Variants in JMJD1C observed in about 807,000 individuals in gnomAD.
The protein encoded by JMJD1C is jumonji domain containing 1C, also known as jumonji domain-containing protein 1C.
A neutral mutation model predicts 245.3 loss-of-function variants in JMJD1C; 31 were observed. The ratio of observed to expected loss-of-function variants is 0.13; its 90% CI spans 0.09 to 0.17. JMJD1C has a LOEUF of 0.17. JMJD1C is among the 10% of genes least tolerant of loss of function. The probability of loss-of-function intolerance (pLI) is 1.00; values close to 1 mark genes in which losing one functional copy is unlikely to be tolerated. For missense variants in JMJD1C, 2,691 were observed against 3,000.2 expected, an observed-to-expected ratio of 0.90 and a Z score of 2.41; for synonymous variants, 1,057 against 1,017.4, an observed-to-expected ratio of 1.04 and a Z score of -0.74.
At chr10:63,359,243 T>A (rs1945122239) in intron 2 of JMJD1C, 1 of 152,274 alleles carries the variant, frequency 6.6e-6, no homozygotes, top group South Asian at 2.1e-4. Flanking sequence ...TGGGCCATAT[T>A]CATGGCTACC....
chr10:63,314,636 T>C (rs952280989), intron 2 of JMJD1C, among the ~76,000 whole-genome samples: 1 of 152,156 alleles, frequency 6.6e-6, no homozygotes, highest in African/African-American at 2.4e-5. Context: ...TTTGTTTTTT[T>C]TTTTTTCAAC....
At chr10:63,417,293 AT>A (rs1949864857) in intron 1 of JMJD1C, among the ~76,000 whole-genome samples, 1 of 152,190 alleles carries the variant, frequency 6.6e-6, no homozygotes, top group South Asian at 2.1e-4. Flanking sequence ...GTACTACTAT[AT>A]TGGGTTTTTA....
At chr10:63,514,463 C>A (rs1393199892) in intron 1 of JMJD1C, among the ~76,000 whole-genome samples, 2 of 152,188 alleles carry the variant, frequency 1.3e-5, no homozygotes, top group African/African-American at 4.8e-5. Flanking sequence ...AGAATGAAAT[C>A]ATGTCCTTTT....
chr10:63,399,350 C>T (rs1269903903), intron 1 of JMJD1C, among the ~76,000 whole-genome samples: 2 of 152,110 alleles, frequency 1.3e-5, no homozygotes, highest in Non-Finnish European at 2.9e-5. Context: ...ATCCAAGGAA[C>T]CCTGGTACTT....
At position 63,191,087 on chromosome 10, in the gene JMJD1C, T is replaced by A. The variant is rs771746068; in HGVS notation, c.6098A>T (p.Glu2033Val). ...EKKENKELTL[E>V]NQIKEEREQD... is the part of the protein sequence containing the mutation. ...TTCTCTTTCTTCTTTAATTTGGTTTTCAAGGGTAAGTTCTTTGTTTTCTGA... is the reference window on the plus strand; with the variant it reads ...TTCTCTTTCTTCTTTAATTTGGTTTACAAGGGTAAGTTCTTTGTTTTCTGA... Residue 2033 changes from glutamate to valine, a missense_variant, in exon 17 of 26, where the codon GAA becomes GTA. Glu to Val is a moderately radical substitution (Grantham distance 121). Coordinates refer to ENST00000399262, the MANE Select transcript of JMJD1C (RefSeq NM_032776.3). The A allele has an allele frequency of 6.2e-7, 1 of 1,613,450 alleles. No individual in the cohort carries two copies. The highest frequency in any genetic ancestry group is 1.1e-5 in the South Asian group (1 of 91,068).
At chr10:63,290,522 C>T (rs185965002) in intron 2 of JMJD1C, among the ~76,000 whole-genome samples, 2 of 152,214 alleles carry the variant, frequency 1.3e-5, no homozygotes, top group Non-Finnish European at 2.9e-5. Flanking sequence ...GATCGCACCA[C>T]TGCACTCCAG....
intron 10 of JMJD1C, chr10:63,203,767 C>T (rs1422081142): frequency 1.0e-6 from 1 of 956,272 alleles, no homozygotes; most frequent in African/African-American, 1.8e-5. Context: ...AAGAAACACA[C>T]TATTATGTGT....
At chr10:63,264,252 T>C (rs1235511396) in intron 3 of JMJD1C, among the ~76,000 whole-genome samples, 1 of 152,116 alleles carries the variant, frequency 6.6e-6, no homozygotes, top group Non-Finnish European at 1.5e-5. Flanking sequence ...AAAAGAACTA[T>C]TATGCTAAAC....
intron 2 of JMJD1C, among the ~76,000 whole-genome samples, chr10:63,337,439 C>G (rs1249858087): frequency 1.1e-5 from 1 of 91,416 alleles, no homozygotes; most frequent in Non-Finnish European, 1.9e-5. Flanking sequence ...GAGCCTCCGT[C>G]AGAAAGAAAG....
intron 1 of JMJD1C, among the ~76,000 whole-genome samples, chr10:63,384,052 G>A (rs973788752): frequency 1.5e-4 from 23 of 152,220 alleles, no homozygotes; most frequent in African/African-American, 4.8e-4. Flanking sequence ...TATCACCAAC[G>A]GTTAAGTAGT....
intron 2 of JMJD1C, among the ~76,000 whole-genome samples, chr10:63,336,619 A>G (rs1942762089): frequency 6.6e-6 from 1 of 152,162 alleles, no homozygotes; most frequent in African/African-American, 2.4e-5. Context: ...AGTTAATCTA[A>G]AAAACAAAGG....
intron 3 of JMJD1C, among the ~76,000 whole-genome samples, chr10:63,239,010 G>A (rs1410226170): frequency 6.6e-6 from 1 of 152,094 alleles, no homozygotes; most frequent in African/African-American, 2.4e-5. Flanking sequence ...AAAATGGGTT[G>A]GCGGGTGACC....
chr10:63,237,718 G>T (rs1293578491), intron 3 of JMJD1C, among the ~76,000 whole-genome samples: 2 of 152,106 alleles, frequency 1.3e-5, no homozygotes, highest in South Asian at 4.1e-4. Flanking sequence ...TTTGCATTAC[G>T]CTTAGTAGTT....
At chr10:63,215,237 C>T (rs537334152) in intron 7 of JMJD1C, 26 bp downstream of exon 7, 110 of 1,570,446 alleles carry the variant, frequency 7.0e-5, no homozygotes, top group Middle Eastern at 5.1e-4. Context: ...TGTTTTCATT[C>T]CCTTAAAAAA....
intron 2 of JMJD1C, among the ~76,000 whole-genome samples, chr10:63,331,970 A>G (rs999740947): frequency 2.6e-5 from 4 of 152,206 alleles, no homozygotes; most frequent in Non-Finnish European, 4.4e-5. Context: ...GGGTATACAC[A>G]TACTACCCAT....
At chr10:63,204,626 G>A (rs776656451) in intron 10 of JMJD1C, 1 of 985,410 alleles carries the variant, frequency 1.0e-6, no homozygotes, top group East Asian at 1.1e-4. Flanking sequence ...GTGAGGGAGA[G>A]TAAGGGGAAC....
At chr10:63,262,883 G>C (rs569763906) in intron 3 of JMJD1C, among the ~76,000 whole-genome samples, 1 of 152,114 alleles carries the variant, frequency 6.6e-6, no homozygotes, top group South Asian at 2.1e-4. Context: ...AACATGTCGA[G>C]TTTTAGGCCA....
chr10:63,412,742 G>T (rs1949561618), intron 1 of JMJD1C, among the ~76,000 whole-genome samples: 1 of 152,054 alleles, frequency 6.6e-6, no homozygotes, highest in African/African-American at 2.4e-5. Context: ...GGTAGCAAAT[G>T]ATAAAACTAA....
chr10:63,469,017 G>T (rs1589806680), upstream of JMJD1C, among the ~76,000 whole-genome samples: 1 of 148,076 alleles, frequency 6.8e-6, no homozygotes, highest in East Asian at 1.9e-4. Context: ...GACTTATAAA[G>T]GAAGAAAATG....
Sources: gnomAD v4.1 joint callset for allele counts (sites outside exome capture counted in the v4.1 genomes callset) on GRCh38, gnomAD v4.1.1 for gene constraint, MANE v1.5 for transcripts, NCBI Gene and HGNC (gene_info 2026-07-23, HGNC 2026-07-21) for gene names.